Variants in CAMTA1 observed in about 807,000 individuals in gnomAD.
CAMTA1 encodes the protein calmodulin-binding transcription activator 1.
CAMTA1 carries 27 observed loss-of-function variants against 170.9 expected under a neutral mutation model. The observed-to-expected ratio is 0.16, with a 90% CI of 0.12 to 0.22. CAMTA1 has a LOEUF of 0.22. CAMTA1 is among the 10% of genes least tolerant of loss of function. CAMTA1 has a pLI of 1.00. For synonymous variants in CAMTA1, 833 were observed against 891.5 expected, an observed-to-expected ratio of 0.93 and a Z score of 1.17; for missense variants, 1,619 against 2,217.2, an observed-to-expected ratio of 0.73 and a Z score of 5.42.
At chr1:7,366,378 C>A (rs1419788214) in intron 5 of CAMTA1, among the ~76,000 whole-genome samples, 1 of 152,238 alleles carries the variant, frequency 6.6e-6, no homozygotes. Context: ...TGACCCCCTT[C>A]TCTCCAGGGC....
intron 3 of CAMTA1, among the ~76,000 whole-genome samples, chr1:6,911,693 G>A (rs552048595): frequency 6.6e-6 from 1 of 152,178 alleles, no homozygotes; most frequent in East Asian, 1.9e-4. Flanking sequence ...CAGAAACCCC[G>A]CTGGTAAGGT....
At chr1:7,104,283 C>CA (rs1553246813) in intron 4 of CAMTA1, among the ~76,000 whole-genome samples, 3 of 151,748 alleles carry the variant, frequency 2.0e-5, no homozygotes, top group Non-Finnish European at 2.9e-5. Flanking sequence ...GCACACAAAA[C>CA]AAATATTCAA....
intron 5 of CAMTA1, among the ~76,000 whole-genome samples, chr1:7,291,672 T>A (rs1673159935): frequency 6.6e-6 from 1 of 152,250 alleles, no homozygotes; most frequent in Admixed American, 6.5e-5. Flanking sequence ...TCACATTTCT[T>A]TTACTGGCAG....
rs1347877210 is a variant in CAMTA1 at position 7,203,488 on chromosome 1, AG to A, written c.303-46002del. Among the ~76,000 whole-genome samples the A allele has an allele frequency of 9.8e-4, 88 of 89,770 alleles. No homozygotes were observed. In the East Asian group the frequency reaches 0.018, roughly 19 times the overall value. The allele number at this position is 89,770 out of a possible 152,430, so 58.9% of individuals were successfully genotyped here. A position where few individuals can be genotyped will look rare whatever the true frequency, so the allele number is the denominator to read the frequency against. On this transcript the variant is annotated intron_variant, in intron 4 of 22. Transcript: ENST00000303635. ...TGGGCATGGGTTTTTCCTTGTGGGTAGTTTTTTTTTTTTTTTTTAAATTGCC... is the reference window on the plus strand; with the variant it reads ...TGGGCATGGGTTTTTCCTTGTGGGTATTTTTTTTTTTTTTTTTAAATTGCC...
At chr1:6,950,281 C>A (rs1005475855) in intron 3 of CAMTA1, among the ~76,000 whole-genome samples, 1 of 152,204 alleles carries the variant, frequency 6.6e-6, no homozygotes, top group Non-Finnish European at 1.5e-5. Context: ...CCCATGGAGG[C>A]TGTCAGTTCC....
intron 5 of CAMTA1, among the ~76,000 whole-genome samples, chr1:7,428,246 G>A (rs896539077): frequency 1.3e-5 from 2 of 152,158 alleles, no homozygotes; most frequent in Admixed American, 6.5e-5. Context: ...ACTGGAAGGC[G>A]AATTTCTAGA....
intron 22 of CAMTA1, 71 bp from the exon 23 acceptor site, chr1:7,766,388 C>T (rs1011328902): frequency 4.1e-6 from 6 of 1,450,170 alleles, no homozygotes; most frequent in Non-Finnish European, 5.8e-6. Context: ...AGTGGTAATA[C>T]CCCTTTCCTT....
At chr1:7,083,854 A>C (rs1299223832) in intron 3 of CAMTA1, among the ~76,000 whole-genome samples, 1 of 152,202 alleles carries the variant, frequency 6.6e-6, no homozygotes, top group Non-Finnish European at 1.5e-5. Flanking sequence ...TGAGTCTTAA[A>C]ACCAAGAGGA....
intron 4 of CAMTA1, among the ~76,000 whole-genome samples, chr1:7,095,919 G>A (rs965078106): frequency 3.4e-5 from 5 of 148,724 alleles, no homozygotes; most frequent in African/African-American, 7.9e-5. Flanking sequence ...TGGGAAATAC[G>A]CAACCTTCCC....
intron 5 of CAMTA1, among the ~76,000 whole-genome samples, chr1:7,288,054 T>A (rs891820379): frequency 1.3e-5 from 2 of 152,214 alleles, no homozygotes; most frequent in African/African-American, 4.8e-5. Context: ...CTCACTTAAT[T>A]TTCTAGAGAA....
intron 6 of CAMTA1, among the ~76,000 whole-genome samples, chr1:7,502,100 C>T (rs1012425223): frequency 5.3e-5 from 8 of 152,204 alleles, no homozygotes; most frequent in African/African-American, 1.9e-4. Flanking sequence ...TGTGGTGCAG[C>T]GGTGAGCAGA....
chr1:6,898,883 T>G (rs1337250500), intron 3 of CAMTA1, among the ~76,000 whole-genome samples: 2 of 151,754 alleles, frequency 1.3e-5, no homozygotes, highest in African/African-American at 4.9e-5. Context: ...CCCCCTGGTT[T>G]GTTTTATTTT....
intron 1 of CAMTA1, among the ~76,000 whole-genome samples, chr1:6,817,810 A>G (rs891301431): frequency 2.6e-5 from 4 of 152,096 alleles, no homozygotes; most frequent in African/African-American, 4.8e-5. Context: ...GTATACTACT[A>G]TTGGTTAAAT....
intron 5 of CAMTA1, among the ~76,000 whole-genome samples, chr1:7,448,566 G>A (rs547114986): frequency 1.2e-3 from 176 of 152,336 alleles, no homozygotes; most frequent in Admixed American, 2.2e-3. Flanking sequence ...ACTAGGTGGC[G>A]TATAAAAAAC....
intron 4 of CAMTA1, among the ~76,000 whole-genome samples, chr1:7,137,035 G>A (rs534203768): frequency 2.4e-4 from 36 of 152,224 alleles, no homozygotes; most frequent in Non-Finnish European, 4.0e-4. Flanking sequence ...GGACTTAAGC[G>A]TCTGAACAAG....
chr1:7,457,640 C>T (rs1273743206), intron 5 of CAMTA1, among the ~76,000 whole-genome samples: 1 of 152,204 alleles, frequency 6.6e-6, no homozygotes. Context: ...TGCAAAAGGG[C>T]CTATGCTGCA....
chr1:7,759,273 C>G (rs2096957123), intron 22 of CAMTA1, among the ~76,000 whole-genome samples: 1 of 152,188 alleles, frequency 6.6e-6, no homozygotes, highest in Non-Finnish European at 1.5e-5. Flanking sequence ...AGGGGGAGAT[C>G]TAAAAAGGCA....
Position 7,282,617 on chromosome 1 carries a change from C to G in CAMTA1, c.438+32991C>G, listed in dbSNP as rs1353731895. Among the ~76,000 whole-genome samples, 3 of 152,292 alleles carry G rather than the reference C, an allele frequency of 2.0e-5. No individual in the cohort carries two copies. In the East Asian group the frequency reaches 5.8e-4, roughly 29 times the overall value. Reference sequence around the variant, plus strand: ...TTGGTGACCTCTCTGGCCACTCCTTCTGGATCTAAAGCTCTAGAAGGACTC... The same window carrying G: ...TTGGTGACCTCTCTGGCCACTCCTTGTGGATCTAAAGCTCTAGAAGGACTC... On this transcript the variant is annotated intron_variant, in intron 5 of 22. Coordinates refer to ENST00000303635, the MANE Select transcript of CAMTA1 (RefSeq NM_015215.4).
In CAMTA1 at chr1:7,420,466, C is replaced by G. The variant is rs771583855; in HGVS notation, c.439-47364C>G. 4.8e-4 allele frequency among the ~76,000 whole-genome samples: 73 copies of G among 152,168 alleles called. 1 individual carries two copies. Among genetic ancestry groups the G allele is most frequent in the Admixed American group, 1.4e-3 (22 of 15,278 alleles). ...TTTGCTGCTGTATCCTCAGTGCCTA[C>G]CACAGCACCAGGCCCTGGTGGCACT... On this transcript the variant is annotated intron_variant, in intron 5 of 22. Coordinates refer to ENST00000303635, the MANE Select transcript of CAMTA1 (RefSeq NM_015215.4).
Sources: allele counts gnomAD v4.1 joint callset (sites outside exome capture counted in the v4.1 genomes callset), GRCh38; gene constraint gnomAD v4.1.1; transcripts MANE v1.5; gene names NCBI Gene and HGNC (gene_info 2026-07-23, HGNC 2026-07-21).